The following VAV2 variants were observed in gnomAD, a reference collection of about 807,000 sequenced individuals.
The protein encoded by VAV2 is guanine nucleotide exchange factor VAV2.
VAV2 carries 67 observed loss-of-function variants against 132.5 expected under a neutral mutation model. The ratio of observed to expected loss-of-function variants is 0.51; its 90% CI spans 0.42 to 0.62. The LOEUF is 0.62. VAV2 is among the 20% of genes least tolerant of loss of function. The probability of loss-of-function intolerance (pLI) is 0.00; values close to 1 mark genes in which losing one functional copy is unlikely to be tolerated. For synonymous variants in VAV2, 492 were observed against 443.5 expected, an observed-to-expected ratio of 1.11 and a Z score of -1.37; for missense variants, 938 against 1,153.6, an observed-to-expected ratio of 0.81 and a Z score of 2.71.
At chr9:133,978,933 G>A (rs565603812) in intron 1 of VAV2, among the ~76,000 whole-genome samples, 12 of 152,234 alleles carry the variant, frequency 7.9e-5, no homozygotes, top group African/African-American at 9.6e-5. Context: ...GGCTGGCCCC[G>A]GTGAAGAAGG....
rs562973808 is a variant in VAV2 at position 133,919,875 on chromosome 9, C to T, written c.321+19228G>A. ...CCACCACCCAACCGCATGTCCTCCGCGGAGCCCAGAGTCAGTTCTGCTGGA... is the reference window on the plus strand; with the variant it reads ...CCACCACCCAACCGCATGTCCTCCGTGGAGCCCAGAGTCAGTTCTGCTGGA... On this transcript the variant is annotated intron_variant, in intron 2 of 29. Transcript: ENST00000371850. The surrounding 1 kb of genome is among the most constrained non-coding windows in gnomAD (Gnocchi z 5.8). Among the ~76,000 whole-genome samples, 1 of 152,186 alleles carries T rather than the reference C, an allele frequency of 6.6e-6. No individual in the cohort carries two copies. The highest frequency in any genetic ancestry group is 1.5e-5 in the Non-Finnish European group (1 of 68,026).
At chr9:133,978,138 C>T (rs1183892993) in intron 1 of VAV2, among the ~76,000 whole-genome samples, 1 of 152,256 alleles carries the variant, frequency 6.6e-6, no homozygotes, top group Non-Finnish European at 1.5e-5. Flanking sequence ...GAGGCCAGGA[C>T]AGGCAGGGCT....
rs931984659 is a variant in VAV2, at chr9:133,861,491, A to G, written c.322-59T>C. Reference sequence around the variant, plus strand: ...TCACAAGAAACCAGAAAGGCATCACAGAACTGGGGACGCTGCTTTGCAGGA... The same window carrying G: ...TCACAAGAAACCAGAAAGGCATCACGGAACTGGGGACGCTGCTTTGCAGGA... On this transcript the variant is annotated intron_variant, in intron 2 of 29. Transcript: ENST00000371850. 5 of 1,589,248 alleles carry G rather than the reference A, an allele frequency of 3.1e-6. No homozygotes were observed. In the East Asian group the frequency reaches 1.1e-4, roughly 36 times the overall value.
chr9:133,835,787 G>C (rs543126151), intron 3 of VAV2, among the ~76,000 whole-genome samples: 1 of 152,202 alleles, frequency 6.6e-6, no homozygotes, highest in African/African-American at 2.4e-5. Context: ...GGGGGAGTCC[G>C]CTGATCTGTG....
chr9:133,789,649 G>A (rs915918988), intron 13 of VAV2, among the ~76,000 whole-genome samples: 4 of 152,200 alleles, frequency 2.6e-5, no homozygotes, highest in African/African-American at 7.2e-5. Context: ...AGAGGCCGCC[G>A]CTGTGTGGAG....
At chr9:133,904,789 A>G (rs1224395146) in intron 2 of VAV2, among the ~76,000 whole-genome samples, 3 of 152,240 alleles carry the variant, frequency 2.0e-5, no homozygotes, top group Admixed American at 6.5e-5. Context: ...CACCTCCCCA[A>G]GAAGGCCCCA....
At chr9:133,914,730 G>GGAGAGGA in intron 2 of VAV2, among the ~76,000 whole-genome samples, 1 of 76,230 alleles carries the variant, frequency 1.3e-5, no homozygotes, top group South Asian at 7.4e-4. Context: ...TCACGGGAGG[G>GGAGAGGA]GGAGGAGAGG....
chr9:133,992,012 G>C lies in VAV2; in HGVS notation c.204+63C>G. The stretch of plus-strand genomic sequence containing the variant: ...GCCGCCGCTGCGACCTCCGCGTTCA[G>C]TCCGCGCGTCGGGCAGCGCGAACGC... On this transcript the variant is annotated intron_variant, in intron 1 of 29. Transcript: ENST00000371850. The surrounding 1 kb of genome is among the most constrained non-coding windows in gnomAD (Gnocchi z 5.5). 7.3e-7 allele frequency: 1 copy of C among 1,373,104 alleles called. No individual in the cohort carries two copies. The highest frequency in any genetic ancestry group is 9.5e-7 in the Non-Finnish European group (1 of 1,050,662). The allele number at this position is 1,373,104 out of a possible 1,614,324, so 85.1% of individuals were successfully genotyped here.
intron 23 of VAV2, 30 bp from the exon 24 acceptor site, chr9:133,776,110 C>G (rs1194955414): frequency 6.2e-7 from 1 of 1,609,952 alleles, no homozygotes; most frequent in Admixed American, 1.7e-5. Flanking sequence ...GTGTTAACGG[C>G]CCCCCAGGGC....
chr9:133,937,152 A>G (rs1005270789), intron 2 of VAV2, among the ~76,000 whole-genome samples: 2 of 152,188 alleles, frequency 1.3e-5, no homozygotes, highest in Admixed American at 6.5e-5. Flanking sequence ...CTTTACAGTT[A>G]TCATAAATAC....
chr9:133,954,949 G>A (rs1841702112), intron 1 of VAV2, among the ~76,000 whole-genome samples: 1 of 152,158 alleles, frequency 6.6e-6, no homozygotes, highest in Non-Finnish European at 1.5e-5. Flanking sequence ...TTTTCCTGTT[G>A]TTTAAATGTA....
chr9:133,892,288 T>G (rs2519772), intron 2 of VAV2, among the ~76,000 whole-genome samples: 109,198 of 151,210 alleles, frequency 0.72, 42,145 homozygotes, highest in Middle Eastern at 0.91. Flanking sequence ...GGGGCTGTGC[T>G]GCTAGGAAGT....
intron 2 of VAV2, among the ~76,000 whole-genome samples, chr9:133,910,002 A>G (rs1839820009): frequency 6.6e-6 from 1 of 152,056 alleles, no homozygotes; most frequent in Non-Finnish European, 1.5e-5. Context: ...GCCCCCCACG[A>G]GCCACACGAG....
chr9:133,898,883 G>A lies in VAV2; in HGVS notation c.322-37451C>T, dbSNP rs145810704. Among the ~76,000 whole-genome samples the A allele has an allele frequency of 2.9e-3, 399 of 139,124 alleles. 1 individual carries two copies. The highest frequency in any genetic ancestry group is 9.9e-3 in the African/African-American group (361 of 36,560). 91.3% of individuals were successfully genotyped at this position (139,124 alleles called of 152,430 possible). On this transcript the variant is annotated intron_variant, in intron 2 of 29. Transcript: ENST00000371850. ...GTCTCCCAGGCTGGAGTTCAGTGGC[G>A]CAATCTCGGCTCACTGCAAGCTCCG...
chr9:133,862,051 GA>G (rs909331897), intron 2 of VAV2, among the ~76,000 whole-genome samples: 1 of 152,268 alleles, frequency 6.6e-6, no homozygotes, highest in Non-Finnish European at 1.5e-5. Flanking sequence ...ACAGTGGCAT[GA>G]CGGGATCTCT....
chr9:133,868,512 C>G (rs1035309769), intron 2 of VAV2, among the ~76,000 whole-genome samples: 6 of 152,224 alleles, frequency 3.9e-5, no homozygotes, highest in African/African-American at 9.7e-5. Flanking sequence ...TGGCCCAAAG[C>G]AGGGACTCGC....
In VAV2 at chr9:133,788,377, T is replaced by C; in HGVS notation, c.1384A>G (p.Met462Val). The C allele has an allele frequency of 1.2e-6, 2 of 1,610,474 alleles. No homozygotes were observed. Among genetic ancestry groups the C allele is most frequent in the Non-Finnish European group, 1.7e-6 (2 of 1,176,996 alleles). Reference protein sequence around the residue: ...LLFHKMTDDPMNNKDVKKSHG... With the variant: ...LLFHKMTDDPVNNKDVKKSHG... Reference sequence around the variant, plus strand: ...ACCTTCTTGACGTCCTTGTTGTTCATGGGGTCGTCGGTCATCTTGTGGAAC... The same window carrying C: ...ACCTTCTTGACGTCCTTGTTGTTCACGGGGTCGTCGGTCATCTTGTGGAAC... The change falls in exon 15 of 30, where the codon ATG becomes GTG. Residue 462 changes from methionine (M) to valine (V), a missense_variant. By Grantham distance (21) the Met-to-Val change is conservative (BLOSUM62 1). Coordinates refer to ENST00000371850, the MANE Select transcript of VAV2 (RefSeq NM_001134398.2). The surrounding 1 kb of genome is among the most constrained non-coding windows in gnomAD (Gnocchi z 5.3).
intron 2 of VAV2, among the ~76,000 whole-genome samples, chr9:133,889,990 G>A (rs1838866560): frequency 2.0e-5 from 3 of 152,232 alleles, no homozygotes; most frequent in Non-Finnish European, 2.9e-5. Flanking sequence ...GCAGTGGAAG[G>A]ACCTGTCATC....
chr9:133,775,698 C>T (rs1564333388), intron 24 of VAV2, among the ~76,000 whole-genome samples: 1 of 145,728 alleles, frequency 6.9e-6, no homozygotes, highest in Non-Finnish European at 1.5e-5. Flanking sequence ...GTGGATTACA[C>T]CTGTGACCTC....
Sources: gnomAD v4.1 joint callset for allele counts (sites outside exome capture counted in the v4.1 genomes callset) on GRCh38, gnomAD v4.1.1 for gene constraint, Gnocchi (gnomAD v3.1) non-coding constraint, MANE v1.5 for transcripts, NCBI Gene and HGNC (gene_info 2026-07-23, HGNC 2026-07-21) for gene names.